RP2: variants seen among roughly 807,000 people sequenced by gnomAD.
RP2 encodes protein XRP2.
RP2 carries 3 observed loss-of-function variants against 20.3 expected under a neutral mutation model. The ratio of observed to expected loss-of-function variants is 0.15; its 90% confidence interval spans 0.07 to 0.38. The LOEUF is 0.38. RP2 is among the 10% of genes least tolerant of loss of function. RP2 has a pLI of 1.00. For missense variants in RP2, 233 were observed against 268.5 expected, an observed-to-expected ratio of 0.87 and a Z score of 0.92; for synonymous variants, 75 against 94.8, an observed-to-expected ratio of 0.79 and a Z score of 1.22.
intron 1 of RP2, among the ~76,000 whole-genome samples, chrX:46,847,794 G>A (rs1260995847): frequency 2.8e-4 from 27 of 96,084 alleles, no homozygotes; most frequent in African/African-American, 1.1e-3. Context: ...ACACATGTGT[G>A]TGTGTATATA....
intron 1 of RP2, among the ~76,000 whole-genome samples, chrX:46,851,592 C>T (rs1022098209): frequency 3.7e-5 from 4 of 107,472 alleles, no homozygotes; most frequent in Non-Finnish European, 7.7e-5. Context: ...GCCAAGATTG[C>T]GCCATTGCAC....
At chrX:46,840,021 A>G (rs1924588767) in intron 1 of RP2, among the ~76,000 whole-genome samples, 1 of 111,981 alleles carries the variant, frequency 8.9e-6, no homozygotes, top group South Asian at 3.7e-4. Context: ...GTCATCGCCC[A>G]GGCTGGAATG....
chrX:46,874,652 A>T (rs969219665), intron 3 of RP2, among the ~76,000 whole-genome samples: 2 of 107,876 alleles, frequency 1.9e-5, no homozygotes, highest in Non-Finnish European at 4.0e-5. Context: ...AAACAAAATT[A>T]AAAATGTTTT....
chrX:46,862,588 A>G (rs1293344426), intron 3 of RP2, among the ~76,000 whole-genome samples: 1 of 110,161 alleles, frequency 9.1e-6, no homozygotes, highest in Non-Finnish European at 1.9e-5. Flanking sequence ...TGAACCCGGG[A>G]GGTGGAGCTT....
chrX:46,850,037 C>A (rs1924831606), intron 1 of RP2, among the ~76,000 whole-genome samples: 1 of 112,173 alleles, frequency 8.9e-6, no homozygotes, highest in Admixed American at 9.5e-5. Context: ...GCAGTCTGAG[C>A]AGACTAAAAC....
At chrX:46,847,787 C>CATGTGTGTGTGTATATATATACACACAT (rs1924772054) in intron 1 of RP2, among the ~76,000 whole-genome samples, 8 of 82,651 alleles carry the variant, frequency 9.7e-5, no homozygotes, top group African/African-American at 4.3e-4. Flanking sequence ...TACATACACA[C>CATGTGTGTGTGTATATATATACACACAT]ATGTGTGTGT....
chrX:46,848,405 A>T, intron 1 of RP2, among the ~76,000 whole-genome samples: 1 of 99,264 alleles, frequency 1.0e-5, no homozygotes. Context: ...TTTTTTTGAG[A>T]CAGAATTTGG....
intron 3 of RP2, among the ~76,000 whole-genome samples, chrX:46,872,722 T>C (rs1925312831): frequency 9.0e-6 from 1 of 111,574 alleles, no homozygotes; most frequent in Admixed American, 9.7e-5. Context: ...TCTGGTGTTT[T>C]TTTGTTTGTT....
Position 46,837,214 on chromosome X carries a change from C to T in RP2, c.102+12C>T. On this transcript the variant is annotated intron_variant, in intron 1 of 4. Transcript: ENST00000218340. Reference sequence around the variant, plus strand: ...ATCAGCGCGAGAAGGTAATGAAAGTCGTGTAGCCGCCGTCTCAGCCTCCCT... The same window carrying T: ...ATCAGCGCGAGAAGGTAATGAAAGTTGTGTAGCCGCCGTCTCAGCCTCCCT... 8.6e-7 allele frequency: 1 copy of T among 1,161,311 alleles called. No homozygotes were observed. The highest frequency in any genetic ancestry group is 1.8e-5 in the African/African-American group (1 of 56,134).
At chrX:46,847,704 A>ATATACACACACATATATGTGTGTGTG (rs1569531333) in intron 1 of RP2, among the ~76,000 whole-genome samples, 2 of 82,599 alleles carry the variant, frequency 2.4e-5, no homozygotes, top group Non-Finnish European at 4.5e-5. Context: ...GTGTGTGTGT[A>ATATACACACACATATATGTGTGTGTG]TATATACACA....
intron 1 of RP2, among the ~76,000 whole-genome samples, chrX:46,839,516 C>T (rs1556314295): frequency 1.8e-5 from 2 of 110,483 alleles, no homozygotes; most frequent in Admixed American, 1.9e-4. Flanking sequence ...CGGGCCACTG[C>T]CCTCCAGCTT....
chrX:46,872,313 T>C (rs1433259004), intron 3 of RP2, among the ~76,000 whole-genome samples: 1 of 112,479 alleles, frequency 8.9e-6, no homozygotes, highest in Non-Finnish European at 1.9e-5. Context: ...TCCAGTCTCT[T>C]TTAACTGCTG....
intron 1 of RP2, among the ~76,000 whole-genome samples, chrX:46,837,983 C>A (rs901413221): frequency 2.7e-5 from 3 of 112,210 alleles, no homozygotes; most frequent in Non-Finnish European, 5.6e-5. Flanking sequence ...AAAACACACT[C>A]GGTCATACAT....
At position 46,881,406 on chromosome X, in the gene RP2, G is replaced by A. The variant is rs903133695; in HGVS notation, c.*1637G>A. The A allele has an allele frequency of 1.8e-5, 2 of 110,814 alleles. No homozygotes were observed. The highest frequency in any genetic ancestry group is 2.8e-4 in the East Asian group (1 of 3,562). The allele number at this position is 110,814 out of a possible 1,213,427, so 9.1% of individuals were successfully genotyped here. On this transcript the variant is annotated 3_prime_UTR_variant, in exon 5 of 5. Coordinates refer to ENST00000218340, the MANE Select transcript of RP2 (RefSeq NM_006915.3). ...TGATCTTTGCAAATAGTGGTCAGACGGCATTAGTTTTTCCCTTAGTTAAGC... is the reference window on the plus strand; with the variant it reads ...TGATCTTTGCAAATAGTGGTCAGACAGCATTAGTTTTTCCCTTAGTTAAGC...
chrX:46,864,478 G>A (rs1389106214), intron 3 of RP2, among the ~76,000 whole-genome samples: 1 of 107,278 alleles, frequency 9.3e-6, no homozygotes, highest in South Asian at 4.1e-4. Flanking sequence ...TCCGGAGCTC[G>A]AGCAATCCTC....
chrX:46,840,872 T>C (rs1332477729), intron 1 of RP2, among the ~76,000 whole-genome samples: 1 of 112,698 alleles, frequency 8.9e-6, no homozygotes, highest in Non-Finnish European at 1.9e-5. Context: ...ACAACACATG[T>C]GTCTGTTATA....
chrX:46,859,293 G>A (rs1925022907), intron 2 of RP2, among the ~76,000 whole-genome samples: 2 of 109,997 alleles, frequency 1.8e-5, no homozygotes, highest in Admixed American at 9.8e-5. Context: ...GATCAGCCTG[G>A]CAACATGGCA....
chrX:46,867,657 C>T (rs1925200030), intron 3 of RP2, among the ~76,000 whole-genome samples: 1 of 109,973 alleles, frequency 9.1e-6, no homozygotes, highest in Admixed American at 9.8e-5. Flanking sequence ...CCCCACCCCA[C>T]TGTCCCCTTT....
In RP2 at chrX:46,850,590, A is replaced by G. The variant is rs1431103312; in HGVS notation, c.103-2886A>G. ...CCAAACTACTTTCAGTTTTCCTCCT[A>G]CTCCCTGAAGAATTTTACTTTGTTC... On this transcript the variant is annotated intron_variant, in intron 1 of 4. Coordinates refer to ENST00000218340, the MANE Select transcript of RP2 (RefSeq NM_006915.3). 5.5e-4 allele frequency among the ~76,000 whole-genome samples: 61 copies of G among 110,191 alleles called. 1 individual carries two copies. In the Admixed American group the frequency reaches 5.9e-3, roughly 11 times the overall value.
Sources: gnomAD v4.1 joint callset for allele counts (sites outside exome capture counted in the v4.1 genomes callset) on GRCh38, gnomAD v4.1.1 for gene constraint, MANE v1.5 for transcripts, NCBI Gene and HGNC (gene_info 2026-07-23, HGNC 2026-07-21) for gene names.